The following KSR2 variants were observed in gnomAD, a reference collection of about 807,000 sequenced individuals.
KSR2 encodes the protein kinase suppressor of ras 2.
KSR2 carries 25 observed loss-of-function variants against 107.8 expected under a neutral mutation model. The ratio of observed to expected loss-of-function variants is 0.23; its 90% CI spans 0.17 to 0.32. The LOEUF is 0.32. Among genes scored for constraint, KSR2 ranks in the 10% least tolerant of loss-of-function variants. The pLI, the probability that KSR2 is intolerant of heterozygous loss-of-function variation, is 1.00. For synonymous variants in KSR2, 480 were observed against 507.0 expected, an observed-to-expected ratio of 0.95 and a Z score of 0.71; for missense variants, 887 against 1,268.9, an observed-to-expected ratio of 0.70 and a Z score of 4.57.
At chr12:117,710,080 C>T (rs1291096046) in intron 4 of KSR2, among the ~76,000 whole-genome samples, 2 of 152,136 alleles carry the variant, frequency 1.3e-5, no homozygotes, top group Non-Finnish European at 2.9e-5. Flanking sequence ...ATTTGAAAAA[C>T]CAGCTGCAAG....
chr12:117,722,807 A>C (rs972250459), intron 4 of KSR2, among the ~76,000 whole-genome samples: 1 of 152,198 alleles, frequency 6.6e-6, no homozygotes, highest in African/African-American at 2.4e-5. Context: ...CCGAGATCTA[A>C]GAACCCTCTC....
At chr12:117,494,036 G>T (rs1872887166) in intron 14 of KSR2, among the ~76,000 whole-genome samples, 1 of 152,142 alleles carries the variant, frequency 6.6e-6, no homozygotes, top group Non-Finnish European at 1.5e-5. Context: ...GCGTGAAAAT[G>T]GACTAATACG....
chr12:117,537,275 G>A (rs529445774), intron 10 of KSR2, among the ~76,000 whole-genome samples: 1 of 152,100 alleles, frequency 6.6e-6, no homozygotes, highest in Non-Finnish European at 1.5e-5. Flanking sequence ...CCCAAATGTT[G>A]AGTTCAGTTC....
At chr12:117,505,153 T>C (rs1417317314) in intron 14 of KSR2, among the ~76,000 whole-genome samples, 1 of 152,178 alleles carries the variant, frequency 6.6e-6, no homozygotes, top group Non-Finnish European at 1.5e-5. Context: ...CACTCATTGG[T>C]CAATGGACAC....
At chr12:117,871,182 G>A (rs904878074) in intron 1 of KSR2, among the ~76,000 whole-genome samples, 2 of 152,172 alleles carry the variant, frequency 1.3e-5, no homozygotes, top group African/African-American at 4.8e-5. Context: ...ATTGTACAAA[G>A]GAAGAAATTG....
intron 1 of KSR2, among the ~76,000 whole-genome samples, chr12:117,938,911 A>G (rs111399977): frequency 1.6e-4 from 25 of 152,272 alleles, no homozygotes; most frequent in African/African-American, 5.5e-4. Flanking sequence ...TTAAGAGTGG[A>G]CTGGACTATT....
chr12:117,496,016 GGCACTC>G (rs1565872290), intron 14 of KSR2, among the ~76,000 whole-genome samples: 3 of 146,738 alleles, frequency 2.0e-5, no homozygotes, highest in Non-Finnish European at 4.5e-5. Context: ...ATTGCACCAT[GGCACTC>G]CAGCCTGGCA....
intron 3 of KSR2, among the ~76,000 whole-genome samples, chr12:117,768,745 C>T (rs946887701): frequency 7.9e-5 from 12 of 152,192 alleles, no homozygotes; most frequent in African/African-American, 2.2e-4. Flanking sequence ...AAATAGCCAA[C>T]ATTTATTGAA....
At chr12:117,467,229 G>A (rs371454300) in intron 19 of KSR2, 24 bp from the exon 20 acceptor site, 5 of 730,126 alleles carry the variant, frequency 6.8e-6, no homozygotes, top group Non-Finnish European at 1.3e-5. Context: ...AGAAGGGAGA[G>A]AGTGGTGAGA....
At chr12:117,957,950 G>C (rs1350662795) in intron 1 of KSR2, among the ~76,000 whole-genome samples, 4 of 151,602 alleles carry the variant, frequency 2.6e-5, no homozygotes, top group Non-Finnish European at 4.4e-5. Context: ...TCCTGCCTCA[G>C]CCTCCCAAGT....
intron 7 of KSR2, among the ~76,000 whole-genome samples, chr12:117,567,197 G>T (rs1426853367): frequency 5.9e-5 from 9 of 152,238 alleles, no homozygotes; most frequent in Admixed American, 5.9e-4. Flanking sequence ...TGGCACTTCA[G>T]ATTTGAGGGG....
At chr12:117,918,295 G>T (rs568395830) in intron 1 of KSR2, among the ~76,000 whole-genome samples, 1 of 152,208 alleles carries the variant, frequency 6.6e-6, no homozygotes, top group Non-Finnish European at 1.5e-5. Context: ...TCTCTAATCT[G>T]CCACTCTCCT....
intron 5 of KSR2, among the ~76,000 whole-genome samples, chr12:117,658,355 C>T (rs149389329): frequency 1.3e-5 from 2 of 152,164 alleles, no homozygotes; most frequent in East Asian, 3.9e-4. Flanking sequence ...ATAGTTTGGA[C>T]AAGGGTGGTG....
intron 5 of KSR2, among the ~76,000 whole-genome samples, chr12:117,590,931 T>G (rs1880277714): frequency 6.6e-6 from 1 of 152,184 alleles, no homozygotes; most frequent in Non-Finnish European, 1.5e-5. Flanking sequence ...CAAGATCCCC[T>G]TCTGCCACTT....
intron 5 of KSR2, among the ~76,000 whole-genome samples, chr12:117,646,976 G>A (rs1226740285): frequency 3.3e-5 from 5 of 152,104 alleles, no homozygotes; most frequent in Non-Finnish European, 5.9e-5. Context: ...AAAGAGCCAG[G>A]GAGAGGCAGA....
chr12:117,535,383 A>G (rs1238329383), intron 10 of KSR2, among the ~76,000 whole-genome samples: 1 of 152,150 alleles, frequency 6.6e-6, no homozygotes, highest in Non-Finnish European at 1.5e-5. Context: ...GATGGAGGAG[A>G]CAGACACTTA....
intron 1 of KSR2, among the ~76,000 whole-genome samples, chr12:117,867,563 G>A (rs1893516858): frequency 6.6e-6 from 1 of 152,154 alleles, no homozygotes; most frequent in South Asian, 2.1e-4. Context: ...CGGCCAATAG[G>A]AGGCCTGTGT....
intron 6 of KSR2, among the ~76,000 whole-genome samples, chr12:117,580,356 C>G (rs1342073638): frequency 8.5e-5 from 13 of 152,210 alleles, no homozygotes; most frequent in Non-Finnish European, 1.3e-4. Context: ...GTTTAGCAGA[C>G]TCTGTTTTGC....
chr12:117,582,169 T>C (rs1879704564), intron 6 of KSR2, 121 bp downstream of exon 6: 3 of 755,314 alleles, frequency 4.0e-6, no homozygotes, highest in Non-Finnish European at 4.5e-6. Context: ...GAAAGGGACA[T>C]GGTGATGTAG....
Sources: gnomAD v4.1 joint callset for allele counts (sites outside exome capture counted in the v4.1 genomes callset) on GRCh38, gnomAD v4.1.1 for gene constraint, MANE v1.5 for transcripts, NCBI Gene and HGNC (gene_info 2026-07-23, HGNC 2026-07-21) for gene names.